The following NUBPL variants were observed in gnomAD, a reference collection of about 807,000 sequenced individuals.
The protein encoded by NUBPL is NUBP iron-sulfur cluster assembly factor, mitochondrial, also known as iron-sulfur cluster transfer protein NUBPL.
A neutral mutation model predicts 45.7 loss-of-function variants in NUBPL; 31 were observed. That is an observed-to-expected ratio of 0.68 (90% CI 0.51 to 0.92). NUBPL has a LOEUF of 0.92. Among genes scored for constraint, NUBPL ranks in the 40% least tolerant of loss-of-function variants. NUBPL has a pLI of 0.00. For missense variants in NUBPL, 401 were observed against 398.7 expected (o/e 1.01, Z -0.05); for synonymous variants, 144 against 140.9 (o/e 1.02, Z -0.15).
chr14:31,613,149 G>T (rs2034805462), intron 4 of NUBPL, among the ~76,000 whole-genome samples: 2 of 152,172 alleles, frequency 1.3e-5, no homozygotes, highest in African/African-American at 4.8e-5. Context: ...CAACAACATG[G>T]ATGGAACTGG....
intron 3 of NUBPL, among the ~76,000 whole-genome samples, chr14:31,573,940 C>A (rs1451511301): frequency 6.6e-6 from 1 of 151,960 alleles, no homozygotes; most frequent in East Asian, 1.9e-4. Flanking sequence ...ATAGTAGGTT[C>A]TTGATAAATG....
chr14:31,745,789 G>A (rs1303294996), intron 6 of NUBPL, among the ~76,000 whole-genome samples: 1 of 151,972 alleles, frequency 6.6e-6, no homozygotes. Context: ...ATTTGTGCAT[G>A]AGACTAAAAC....
chr14:31,769,729 T>TAAAC (rs139241708), intron 6 of NUBPL, among the ~76,000 whole-genome samples: 1,535 of 152,264 alleles, frequency 0.01, 26 homozygotes, highest in African/African-American at 0.035. Flanking sequence ...ACCTTTTCCT[T>TAAAC]AAATCCCTCA....
At position 31,577,900 on chromosome 14, in the gene NUBPL, C is replaced by T. The variant is rs537759787; in HGVS notation, c.291+12852C>T. On this transcript the variant is annotated intron_variant, in intron 3 of 10. Coordinates refer to ENST00000281081, the MANE Select transcript of NUBPL (RefSeq NM_025152.3). ...TTAGTGGTTTCAAGTAATGTCATTT[C>T]CTCCTCTATTGGTTCATATGTTTAT... 165 of 1,204,938 alleles carry T rather than the reference C, an allele frequency of 1.4e-4. 2 individuals are homozygous for T. In the East Asian group the frequency reaches 1.6e-3, roughly 12 times the overall value. 74.6% of individuals were successfully genotyped at this position (1,204,938 alleles called of 1,614,324 possible). A position where few individuals can be genotyped will look rare whatever the true frequency, so the allele number is the denominator to read the frequency against.
At chr14:31,817,568 G>A (rs1412287687) in intron 7 of NUBPL, among the ~76,000 whole-genome samples, 6 of 151,966 alleles carry the variant, frequency 3.9e-5, no homozygotes, top group Non-Finnish European at 8.8e-5. Flanking sequence ...ATTTCATATC[G>A]AGCCAAACTA....
At chr14:31,849,580 T>C (rs1238134790) in intron 9 of NUBPL, among the ~76,000 whole-genome samples, 1 of 152,206 alleles carries the variant, frequency 6.6e-6, no homozygotes, top group Non-Finnish European at 1.5e-5. Context: ...CATAGGTTAG[T>C]AAATAATAAG....
intron 4 of NUBPL, among the ~76,000 whole-genome samples, chr14:31,658,124 G>A (rs2036184191): frequency 6.6e-6 from 1 of 152,126 alleles, no homozygotes; most frequent in African/African-American, 2.4e-5. Flanking sequence ...GAAATTGTCT[G>A]GGCATCTTCA....
chr14:31,737,823 G>A lies in NUBPL; in HGVS notation c.514-49957G>A, dbSNP rs184535721. 3.4e-4 allele frequency among the ~76,000 whole-genome samples: 52 copies of A among 152,174 alleles called. No individual in the cohort carries two copies. In the Middle Eastern group the frequency reaches 0.014, roughly 40 times the overall value. On this transcript the variant is annotated intron_variant, in intron 6 of 10. Transcript: ENST00000281081. ...TTAATTATTTCTGTTCATGGTAGTC[G>A]CACTTACTTAACAGTTGAAGCTCTC...
intron 6 of NUBPL, among the ~76,000 whole-genome samples, chr14:31,745,910 T>A (rs919224544): frequency 6.6e-6 from 1 of 151,984 alleles, no homozygotes. Flanking sequence ...CACAGGTGTC[T>A]CACGACCCAG....
rs115899952 is a variant in NUBPL at position 31,606,362 on chromosome 14, G to A, written c.382+6983G>A. Among the ~76,000 whole-genome samples, 1,164 of 152,178 alleles carry A rather than the reference G, an allele frequency of 7.6e-3. 14 individuals are homozygous for A. The highest frequency in any genetic ancestry group is 0.026 in the African/African-American group (1,074 of 41,542). On this transcript the variant is annotated intron_variant, in intron 4 of 10. Coordinates refer to ENST00000281081, the MANE Select transcript of NUBPL (RefSeq NM_025152.3). ...CTGCTTTGGCCACCCAAAGTGCTGCGATTACAGGGCTGAGCCACCACACCT... is the reference window on the plus strand; with the variant it reads ...CTGCTTTGGCCACCCAAAGTGCTGCAATTACAGGGCTGAGCCACCACACCT...
At chr14:31,633,334 C>T (rs188580994) in intron 4 of NUBPL, among the ~76,000 whole-genome samples, 20 of 152,250 alleles carry the variant, frequency 1.3e-4, no homozygotes, top group African/African-American at 4.8e-4. Flanking sequence ...ATAACGTATT[C>T]TAAAAATAAA....
At chr14:31,800,078 A>T (rs2039556458) in intron 7 of NUBPL, among the ~76,000 whole-genome samples, 1 of 151,926 alleles carries the variant, frequency 6.6e-6, no homozygotes, top group African/African-American at 2.4e-5. Flanking sequence ...TTGCTAATTC[A>T]TAAGGAGCAA....
At chr14:31,854,435 T>G (rs927944917) in intron 10 of NUBPL, among the ~76,000 whole-genome samples, 1 of 152,218 alleles carries the variant, frequency 6.6e-6, no homozygotes, top group Non-Finnish European at 1.5e-5. Context: ...TAGATTTGAT[T>G]TAATTATTCC....
intron 7 of NUBPL, among the ~76,000 whole-genome samples, chr14:31,817,558 A>T (rs1280350836): frequency 1.3e-5 from 2 of 152,192 alleles, no homozygotes; most frequent in Non-Finnish European, 2.9e-5. Context: ...TCAACCCAGA[A>T]TTTCATATCG....
intron 4 of NUBPL, among the ~76,000 whole-genome samples, chr14:31,636,550 T>C (rs1299869603): frequency 2.0e-5 from 3 of 152,148 alleles, no homozygotes; most frequent in Non-Finnish European, 4.4e-5. Context: ...TCTAAAATTC[T>C]CTTTTTTGGT....
At chr14:31,644,338 G>A (rs2035787855) in intron 4 of NUBPL, among the ~76,000 whole-genome samples, 1 of 151,838 alleles carries the variant, frequency 6.6e-6, no homozygotes, top group South Asian at 2.1e-4. Flanking sequence ...GTAGATTTTG[G>A]TATGCTGTAT....
intron 7 of NUBPL, among the ~76,000 whole-genome samples, chr14:31,797,356 T>C (rs1477176028): frequency 3.4e-4 from 1 of 2,934 alleles, no homozygotes; most frequent in African/African-American, 2.8e-3. Flanking sequence ...CCATTATTAA[T>C]GTGTGGGAGT....
chr14:31,710,636 C>A (rs1477307050), intron 6 of NUBPL, among the ~76,000 whole-genome samples: 1 of 152,172 alleles, frequency 6.6e-6, no homozygotes, highest in Non-Finnish European at 1.5e-5. Flanking sequence ...AGTACTGGAA[C>A]CTTACCCGTG....
At chr14:31,715,934 T>G (rs1368968853) in intron 6 of NUBPL, among the ~76,000 whole-genome samples, 2 of 152,240 alleles carry the variant, frequency 1.3e-5, no homozygotes, top group Admixed American at 1.3e-4. Context: ...ATTATACATC[T>G]GTACGGAAAT....
Sources: allele counts gnomAD v4.1 joint callset (sites outside exome capture counted in the v4.1 genomes callset), GRCh38; gene constraint gnomAD v4.1.1; transcripts MANE v1.5; gene names NCBI Gene and HGNC (gene_info 2026-07-23, HGNC 2026-07-21).